The following DRAM1 variants were observed in gnomAD, a reference collection of about 807,000 sequenced individuals.
DRAM1 encodes the protein DNA damage-regulated autophagy modulator protein 1.
DRAM1 carries 25 observed loss-of-function variants against 28.5 expected under a neutral mutation model. The ratio of observed to expected loss-of-function variants is 0.88; its 90% CI spans 0.64 to 1.23. DRAM1 has a LOEUF of 1.23. Among genes scored for constraint, DRAM1 ranks in the 50% most tolerant of loss-of-function variants. DRAM1 has a pLI of 0.00. For missense variants in DRAM1, 249 were observed against 299.2 expected (o/e 0.83, Z 1.24); for synonymous variants, 113 against 114.2 (o/e 0.99, Z 0.07).
rs58464864 is a variant in DRAM1, at chr12:101,923,093, A to AAAATAAATAAAT, written c.*1842_*1853dup. On this transcript the variant is annotated 3_prime_UTR_variant, in exon 7 of 7. Coordinates refer to ENST00000258534, the MANE Select transcript of DRAM1 (RefSeq NM_018370.3). ...GGCAACAGAGTGAGACCCTGTCTCA[A>AAAATAAATAAAT]AAATAAATAAATAAATAAATGAATA... 2.8e-4 allele frequency: 43 copies of AAAATAAATAAAT among 151,980 alleles called. No individual in the cohort carries two copies. Among genetic ancestry groups the AAAATAAATAAAT allele is most frequent in the African/African-American group, 1.0e-3 (42 of 41,264 alleles). 9.4% of individuals were successfully genotyped at this position (151,980 alleles called of 1,614,324 possible).
chr12:101,901,939 A>C (rs1030034531), intron 3 of DRAM1, among the ~76,000 whole-genome samples: 42 of 151,174 alleles, frequency 2.8e-4, no homozygotes, highest in Admixed American at 2.7e-3. Context: ...CATTTGCATG[A>C]TTATGAGAGT....
chr12:101,893,592 T>C (rs2176092), intron 1 of DRAM1, among the ~76,000 whole-genome samples: 75,572 of 151,972 alleles, frequency 0.5, 19,130 homozygotes, highest in East Asian at 0.63. Flanking sequence ...TCTGTGTAGC[T>C]CTGTGATCTT....
At chr12:101,902,534 T>A (rs1873645497) in intron 3 of DRAM1, among the ~76,000 whole-genome samples, 1 of 152,216 alleles carries the variant, frequency 6.6e-6, no homozygotes, top group South Asian at 2.1e-4. Context: ...ATTTGTCTAG[T>A]ACAGTGTGGT....
chr12:101,915,386 T>G (rs1874199227), intron 5 of DRAM1, among the ~76,000 whole-genome samples: 1 of 152,042 alleles, frequency 6.6e-6, no homozygotes, highest in Admixed American at 6.6e-5. Context: ...GAATGTTAAG[T>G]AGAGAGGATG....
At chr12:101,919,284 G>GCGCACA (rs35286891) in intron 5 of DRAM1, among the ~76,000 whole-genome samples, 3 of 147,604 alleles carry the variant, frequency 2.0e-5, no homozygotes, top group Non-Finnish European at 4.5e-5. Flanking sequence ...ACACACACAC[G>GCGCACA]CACACACACA....
Position 101,892,165 on chromosome 12 carries a change from A to G in DRAM1, c.132-5698A>G, listed in dbSNP as rs1243820827. Among the ~76,000 whole-genome samples the G allele has an allele frequency of 2.0e-5, 3 of 152,292 alleles. No individual in the cohort carries two copies. The South Asian group carries it at 6.2e-4, about 32-fold the overall frequency. ...AAAGTAAAAAATATTTACTTAATAT[A>G]TAAAATCAGACGTGGAAAGACATAA... On this transcript the variant is annotated intron_variant, in intron 1 of 6. Coordinates refer to ENST00000258534, the MANE Select transcript of DRAM1 (RefSeq NM_018370.3).
chr12:101,895,187 T>TTTG (rs1491561289), intron 1 of DRAM1, among the ~76,000 whole-genome samples: 8 of 26,796 alleles, frequency 3.0e-4, no homozygotes, highest in African/African-American at 1.4e-3. Context: ...ACCCTTCAGG[T>TTTG]TTTTTTTTTT....
chr12:101,878,619 C>G (rs963302920), intron 1 of DRAM1, among the ~76,000 whole-genome samples: 1 of 152,206 alleles, frequency 6.6e-6, no homozygotes, highest in Non-Finnish European at 1.5e-5. Context: ...TGTGCTTTGG[C>G]CTCTACCTTC....
At chr12:101,919,366 G>T (rs1874387068) in intron 5 of DRAM1, among the ~76,000 whole-genome samples, 1 of 151,726 alleles carries the variant, frequency 6.6e-6, no homozygotes, top group Non-Finnish European at 1.5e-5. Flanking sequence ...CCATGGAATT[G>T]AGCTGATGAG....
At chr12:101,917,785 T>C (rs1594314086) in intron 5 of DRAM1, among the ~76,000 whole-genome samples, 2 of 152,064 alleles carry the variant, frequency 1.3e-5, no homozygotes, top group South Asian at 4.1e-4. Context: ...CAGGTTTTTT[T>C]CTTTCTTATA....
Position 101,894,072 on chromosome 12 carries a change from AG to A in DRAM1, c.132-3789del, listed in dbSNP as rs1873249398. Among the ~76,000 whole-genome samples, 5 of 151,998 alleles carry A rather than the reference AG, an allele frequency of 3.3e-5. No homozygotes were observed. In the South Asian group the frequency reaches 1.0e-3, roughly 32 times the overall value. ...TAGCCTCCCAAGTAGCTGGGACTAC[AG>A]GTAGGTGCCGCCATGCCTGGCTTTT... On this transcript the variant is annotated intron_variant, in intron 1 of 6. Coordinates refer to ENST00000258534, the MANE Select transcript of DRAM1 (RefSeq NM_018370.3).
chr12:101,890,053 T>C lies in DRAM1; in HGVS notation c.132-7810T>C, dbSNP rs186060653. On this transcript the variant is annotated intron_variant, in intron 1 of 6. Transcript: ENST00000258534. ...TTGCCAAGGAAGTGTTCATTTCTAA[T>C]TTTTTCTTTTTCTTTTTTCTTTTTT... 1.6e-3 allele frequency: 712 copies of C among 454,178 alleles called. 2 individuals are homozygous for C. The highest frequency in any genetic ancestry group is 2.0e-3 in the Non-Finnish European group (459 of 226,468). The allele number at this position is 454,178 out of a possible 1,614,324, so 28.1% of individuals were successfully genotyped here.
At chr12:101,919,976 GT>G in intron 5 of DRAM1, 132 bp from the exon 6 acceptor site, 1 of 512,568 alleles carries the variant, frequency 2.0e-6, no homozygotes, top group Non-Finnish European at 3.3e-6. Context: ...TGTGCTTACC[GT>G]ATATCCTCAA....
chr12:101,915,161 A>G (rs1198805768), intron 5 of DRAM1, among the ~76,000 whole-genome samples: 1 of 151,462 alleles, frequency 6.6e-6, no homozygotes, highest in Non-Finnish European at 1.5e-5. Flanking sequence ...TTGTATTTTT[A>G]GTAGAGATGG....
In DRAM1 at chr12:101,877,926, T is replaced by G; in HGVS notation, c.131+6T>G. 5 of 1,526,202 alleles carry G rather than the reference T, an allele frequency of 3.3e-6. No homozygotes were observed. The South Asian group carries it at 6.1e-5, about 19-fold the overall frequency. 94.5% of individuals were successfully genotyped at this position (1,526,202 alleles called of 1,614,324 possible). The stretch of plus-strand genomic sequence containing the variant: ...CCCTTCCTCCCGTATATCAGGTGAG[T>G]GGCAGGGTGGGCGTCAGGGCCCCAG... On this transcript the variant is annotated splice_donor_region_variant and intron_variant, in intron 1 of 6. Transcript: ENST00000258534. This position sits in a 1 kb window ranked among gnomAD's most constrained non-coding sequence, Gnocchi z 4.1.
chr12:101,883,062 A>G (rs1212816456), intron 1 of DRAM1, among the ~76,000 whole-genome samples: 5 of 151,192 alleles, frequency 3.3e-5, no homozygotes, highest in Non-Finnish European at 7.4e-5. Context: ...ATACACTTAT[A>G]TGGAAAAATC....
chr12:101,914,409 C>G (rs1261779587), intron 5 of DRAM1, among the ~76,000 whole-genome samples, 177 bp downstream of exon 5: 1 of 152,038 alleles, frequency 6.6e-6, no homozygotes, highest in Admixed American at 6.6e-5. Context: ...AATTAGCTAT[C>G]AGGGTAATTC....
At chr12:101,895,530 T>G (rs1236018301) in intron 1 of DRAM1, among the ~76,000 whole-genome samples, 1 of 149,672 alleles carries the variant, frequency 6.7e-6, no homozygotes, top group Non-Finnish European at 1.5e-5. Flanking sequence ...GAAATTGAAT[T>G]AATTTGGAAT....
intron 1 of DRAM1, 148 bp downstream of exon 1, chr12:101,878,068 A>G (rs1872558962): frequency 8.6e-7 from 1 of 1,165,204 alleles, no homozygotes; most frequent in Non-Finnish European, 1.1e-6. Flanking sequence ...TGCTCCCGAT[A>G]GCCTGGGATG....
Sources: allele counts gnomAD v4.1 joint callset (sites outside exome capture counted in the v4.1 genomes callset), GRCh38; gene constraint gnomAD v4.1.1; non-coding constraint Gnocchi (gnomAD v3.1); transcripts MANE v1.5; gene names NCBI Gene and HGNC (gene_info 2026-07-23, HGNC 2026-07-21).